Variants in BUB3 observed in about 807,000 individuals in gnomAD.
BUB3 encodes BUB3 mitotic checkpoint protein.
Under a neutral mutation model 39.9 loss-of-function variants are expected in BUB3, and 22 were observed. That is an observed-to-expected ratio of 0.55 (90% CI 0.39 to 0.79). The LOEUF (loss-of-function observed/expected upper bound fraction) is 0.79. Among genes scored for constraint, BUB3 ranks in the 30% least tolerant of loss-of-function variants. BUB3 has a pLI of 0.00. For missense variants in BUB3, 303 were observed against 415.4 expected (o/e 0.73, Z 2.35); for synonymous variants, 168 against 155.1 (o/e 1.08, Z -0.62).
At chr10:123,162,186 T>G (rs745962335) in intron 5 of BUB3, 50 bp from the exon 6 acceptor site, 4 of 1,557,234 alleles carry the variant, frequency 2.6e-6, no homozygotes, top group Non-Finnish European at 2.6e-6. Flanking sequence ...AGCACCTTGT[T>G]TTTGGAAGCT....
chr10:123,155,210 G>C, intron 2 of BUB3, 98 bp downstream of exon 2: 1 of 1,350,082 alleles, frequency 7.4e-7, no homozygotes, highest in Non-Finnish European at 9.9e-7. Context: ...GGCGTCTGTC[G>C]GTGGGGTTAT....
chr10:123,162,154 G>T (rs1014543792), intron 5 of BUB3, 82 bp from the exon 6 acceptor site: 45 of 1,222,698 alleles, frequency 3.7e-5, no homozygotes, highest in Non-Finnish European at 5.2e-5. Context: ...TCACTCTTTA[G>T]TGTGGGTTGA....
At position 123,154,938 on chromosome 10, in the gene BUB3, C is replaced by G; in HGVS notation, c.21C>G (p.Phe7Leu). The G allele has an allele frequency of 1.9e-6, 3 of 1,613,872 alleles. No homozygotes were observed. Among genetic ancestry groups the G allele is most frequent in the Non-Finnish European group, 1.7e-6 (2 of 1,179,894 alleles). Residue 7 changes from phenylalanine to leucine, a missense_variant, in exon 2 of 8, where the codon TTC becomes TTG. Coordinates refer to ENST00000368865, the MANE Select transcript of BUB3 (RefSeq NM_004725.4). Reference protein sequence around the residue: MTGSNEFKLNQPPEDGI... With the variant: MTGSNELKLNQPPEDGI... ...TGCAGATGACCGGTTCTAACGAGTT[C>G]AAGCTGAACCAGCCACCCGAGGATG...
In BUB3 at chr10:123,168,170, T is replaced by C. The variant is rs1277746305; in HGVS notation, c.*4335T>C. The C allele has an allele frequency of 6.6e-6, 1 of 152,226 alleles. No individual in the cohort carries two copies. Among genetic ancestry groups the C allele is most frequent in the Non-Finnish European group, 1.5e-5 (1 of 68,034 alleles). 9.4% of individuals were successfully genotyped at this position (152,226 alleles called of 1,614,324 possible). On this transcript the variant is annotated 3_prime_UTR_variant, in exon 8 of 8. Coordinates refer to ENST00000368865, the MANE Select transcript of BUB3 (RefSeq NM_004725.4). ...TTTCAAGTATACAATTCATTATTAC[T>C]AAGATAGCCACCACACTGTATGTCA... is the stretch of plus-strand genomic sequence containing the variant.
At chr10:123,156,753 G>GTTTTTTTT (rs756642442) in intron 3 of BUB3, among the ~76,000 whole-genome samples, 5 of 135,080 alleles carry the variant, frequency 3.7e-5, no homozygotes, top group Admixed American at 1.5e-4. Context: ...TTTCTTTCTT[G>GTTTTTTTT]TTTTTTTTTT....
At chr10:123,156,055 A>T (rs1161325327) in intron 3 of BUB3, among the ~76,000 whole-genome samples, 1 of 152,220 alleles carries the variant, frequency 6.6e-6, no homozygotes, top group Non-Finnish European at 1.5e-5. Context: ...TTCCACTACA[A>T]TGCTGATGTT....
In BUB3 at chr10:123,156,753, G is replaced by GTTTTTTTTTTTTTTTTTTT. The variant is rs756642442; in HGVS notation, c.266-965_266-964insTTTTTTTTTTTTTTTTTTT. ...ATGAAATCCTTTCTTTTTCTTTCTTGTTTTTTTTTTTGAGCTAGAGTCTCA... is the reference window on the plus strand; with the variant it reads ...ATGAAATCCTTTCTTTTTCTTTCTTGTTTTTTTTTTTTTTTTTTTTTTTTTTTTTTGAGCTAGAGTCTCA... On this transcript the variant is annotated intron_variant, in intron 3 of 7. Transcript: ENST00000368865. Among the ~76,000 whole-genome samples, 114 of 135,066 alleles carry GTTTTTTTTTTTTTTTTTTT rather than the reference G, an allele frequency of 8.4e-4. 7 individuals carry two copies. Among genetic ancestry groups the GTTTTTTTTTTTTTTTTTTT allele is most frequent in the East Asian group, 6.3e-3 (25 of 3,968 alleles). The allele number at this position is 135,066 out of a possible 152,430, so 88.6% of individuals were successfully genotyped here. A position where few individuals can be genotyped will look rare whatever the true frequency, so the allele number is the denominator to read the frequency against.
In BUB3 at chr10:123,166,739, G is replaced by A. The variant is rs933169145; in HGVS notation, c.*2904G>A. 1.3e-5 allele frequency: 2 copies of A among 152,148 alleles called. No homozygotes were observed. The highest frequency in any genetic ancestry group is 2.9e-5 in the Non-Finnish European group (2 of 68,032). The allele number at this position is 152,148 out of a possible 1,614,324, so 9.4% of individuals were successfully genotyped here. On this transcript the variant is annotated 3_prime_UTR_variant, in exon 8 of 8. Transcript: ENST00000368865. The stretch of plus-strand genomic sequence containing the variant: ...GACTGTAAGGTGCTCTCAGAAGATG[G>A]GACTAACCTTTGTTGGGAATATAAA...
At chr10:123,159,704 A>G (rs1844395953) in intron 4 of BUB3, among the ~76,000 whole-genome samples, 1 of 152,250 alleles carries the variant, frequency 6.6e-6, no homozygotes, top group Admixed American at 6.5e-5. Context: ...CACTACTTTT[A>G]AAAATTTTCC....
chr10:123,155,768 G>A (rs1471468944), intron 3 of BUB3, 41 bp downstream of exon 3: 3 of 1,570,886 alleles, frequency 1.9e-6, no homozygotes, highest in Non-Finnish European at 2.6e-6. Flanking sequence ...TTCTTGGCTA[G>A]TGTTCTTAAG....
At chr10:123,157,683 A>G (rs1353084154) in intron 3 of BUB3, 46 bp from the exon 4 acceptor site, 8 of 1,514,044 alleles carry the variant, frequency 5.3e-6, no homozygotes, top group Non-Finnish European at 7.1e-6. Flanking sequence ...TAGTAAAGGT[A>G]GTAAGCTAGA....
At chr10:123,156,639 A>T (rs932785250) in intron 3 of BUB3, among the ~76,000 whole-genome samples, 1 of 152,178 alleles carries the variant, frequency 6.6e-6, no homozygotes, top group Non-Finnish European at 1.5e-5. Flanking sequence ...TTGTAGGGGT[A>T]GGGAGAAACA....
chr10:123,154,901 G>A lies in BUB3; in HGVS notation c.1-17G>A. 2 of 1,606,076 alleles carry A rather than the reference G, an allele frequency of 1.2e-6. No individual in the cohort carries two copies. The highest frequency in any genetic ancestry group is 1.7e-5 in the Admixed American group (1 of 59,592). ...AGCCCGCGGGACCCCTGGGGACTCT[G>A]GGCGCCTGTTCTGCAGATGACCGGT... On this transcript the variant is annotated splice_polypyrimidine_tract_variant and intron_variant, in intron 1 of 7. Transcript: ENST00000368865.
chr10:123,157,647 T>C, intron 3 of BUB3, 82 bp from the exon 4 acceptor site: 1 of 1,442,778 alleles, frequency 6.9e-7, no homozygotes, highest in Non-Finnish European at 9.3e-7. Context: ...TGAATGTTTC[T>C]TTTAATTGTT....
rs1183521369 is a variant in BUB3 at position 123,154,448 on chromosome 10, G to A, written c.-38G>A. On this transcript the variant is annotated 5_prime_UTR_variant, in exon 1 of 8. Coordinates refer to ENST00000368865, the MANE Select transcript of BUB3 (RefSeq NM_004725.4). ...GAGGCGGCGGCGGCCGCAGCGAGTG[G>A]CGAGTAGTGGAAACGTTGCTTCTGA... 6.4e-6 allele frequency: 1 copy of A among 155,356 alleles called. No homozygotes were observed. Among genetic ancestry groups the A allele is most frequent in the Non-Finnish European group, 1.4e-5 (1 of 70,212 alleles). 9.6% of individuals were successfully genotyped at this position (155,356 alleles called of 1,614,324 possible). A position where few individuals can be genotyped will look rare whatever the true frequency, so the allele number is the denominator to read the frequency against.
Position 123,169,196 on chromosome 10 carries a change from C to T in BUB3, c.*5361C>T, listed in dbSNP as rs1844524545. The T allele has an allele frequency of 6.6e-6, 1 of 152,258 alleles. No homozygotes were observed. Among genetic ancestry groups the T allele is most frequent in the African/African-American group, 2.4e-5 (1 of 41,476 alleles). The allele number at this position is 152,258 out of a possible 1,614,324, so 9.4% of individuals were successfully genotyped here. A position where few individuals can be genotyped will look rare whatever the true frequency, so the allele number is the denominator to read the frequency against. On this transcript the variant is annotated 3_prime_UTR_variant, in exon 8 of 8. Transcript: ENST00000368865. Reference sequence around the variant, plus strand: ...AGGCTGCAGGTGTCCACTTACGTACCTGTGGCTAAGATGCGCCTGAGCAAG... The same window carrying T: ...AGGCTGCAGGTGTCCACTTACGTACTTGTGGCTAAGATGCGCCTGAGCAAG...
chr10:123,169,275 A>G lies in BUB3; in HGVS notation c.*5440A>G, dbSNP rs1844525221. The G allele has an allele frequency of 6.6e-6, 1 of 152,216 alleles. No homozygotes were observed. The highest frequency in any genetic ancestry group is 1.5e-5 in the Non-Finnish European group (1 of 68,034). 9.4% of individuals were successfully genotyped at this position (152,216 alleles called of 1,614,324 possible). ...ACAAAATTTGGATCATATTACATAA[A>G]TATCTTGCTTCATGCACTTAATATG... On this transcript the variant is annotated 3_prime_UTR_variant, in exon 8 of 8. Transcript: ENST00000368865.
rs1397617171 is a variant in BUB3 at position 123,155,097 on chromosome 10, G to A, written c.180G>A (p.Leu60=). Residue 60 remains leucine (L), a synonymous_variant, in exon 2 of 8, where the codon CTG becomes CTA. Transcript: ENST00000368865. ...RLKYQHTGAV[L]DCAFYDPTHA... Reference sequence around the variant, plus strand: ...AGTACCAGCACACCGGCGCCGTCCTGGACTGCGCCTTCTACGTAGGTGCCC... The same window carrying A: ...AGTACCAGCACACCGGCGCCGTCCTAGACTGCGCCTTCTACGTAGGTGCCC... 1.2e-6 allele frequency: 2 copies of A among 1,613,900 alleles called. No homozygotes were observed. The highest frequency in any genetic ancestry group is 2.2e-5 in the East Asian group (1 of 44,882).
chr10:123,160,382 A>C, intron 4 of BUB3, 25 bp from the exon 5 acceptor site: 1 of 1,486,150 alleles, frequency 6.7e-7, no homozygotes, highest in Non-Finnish European at 9.0e-7. Context: ...GGTGATTTTT[A>C]GCAAGTTTTG....
Sources: gnomAD v4.1 joint callset for allele counts (sites outside exome capture counted in the v4.1 genomes callset) on GRCh38, gnomAD v4.1.1 for gene constraint, MANE v1.5 for transcripts, NCBI Gene and HGNC (gene_info 2026-07-23, HGNC 2026-07-21) for gene names.